HIVEP3: variants seen among roughly 807,000 people sequenced by gnomAD.
HIVEP3 encodes transcription factor HIVEP3.
A neutral mutation model predicts 152.8 loss-of-function variants in HIVEP3; 49 were observed. That is an observed-to-expected ratio of 0.32 (90% CI 0.26 to 0.41). The LOEUF is 0.41. HIVEP3 is among the 10% of genes least tolerant of loss of function. HIVEP3 has a pLI of 1.00. For missense variants in HIVEP3, 2,790 were observed against 3,103.3 expected (o/e 0.90, Z 2.40); for synonymous variants, 1,269 against 1,289.0 (o/e 0.98, Z 0.33).
upstream of HIVEP3, among the ~76,000 whole-genome samples, chr1:41,919,509 A>G (rs961179582): frequency 3.9e-5 from 6 of 152,252 alleles, no homozygotes; most frequent in Non-Finnish European, 7.3e-5. Context: ...CCAGAGCCAC[A>G]TCGCATTCCA....
chr1:41,509,108 C>T lies in HIVEP3; in HGVS notation c.*1343G>A, dbSNP rs576717786. ...TAGAGATGTGGGTAAGGAAGAGGCA[C>T]TGGCTCACACTGATTGCTTTGGAGA... On this transcript the variant is annotated 3_prime_UTR_variant, in exon 9 of 9. Coordinates refer to ENST00000372583, the MANE Select transcript of HIVEP3 (RefSeq NM_024503.5). 2.6e-5 allele frequency: 4 copies of T among 152,216 alleles called. No individual in the cohort carries two copies. Among genetic ancestry groups the T allele is most frequent in the African/African-American group, 9.7e-5 (4 of 41,448 alleles). The allele number at this position is 152,216 out of a possible 1,614,324, so 9.4% of individuals were successfully genotyped here.
intron 3 of HIVEP3, among the ~76,000 whole-genome samples, chr1:41,601,969 T>G (rs1644754291): frequency 6.6e-6 from 1 of 152,200 alleles, no homozygotes; most frequent in South Asian, 2.1e-4. Flanking sequence ...TTGAATTTTG[T>G]CAAATGCCTT....
chr1:41,588,210 A>G (rs183602068), intron 3 of HIVEP3, among the ~76,000 whole-genome samples: 24 of 152,276 alleles, frequency 1.6e-4, no homozygotes, highest in Non-Finnish European at 2.9e-5. Flanking sequence ...ACTGTGATGG[A>G]GAGGCCTTTG....
intron 2 of HIVEP3, among the ~76,000 whole-genome samples, chr1:41,677,280 G>T (rs535268049): frequency 6.6e-6 from 1 of 152,272 alleles, no homozygotes; most frequent in South Asian, 2.1e-4. Flanking sequence ...GCTCTAACAC[G>T]CTTCACACGT....
intron 1 of HIVEP3, among the ~76,000 whole-genome samples, chr1:41,940,729 GA>G (rs1393731612): frequency 6.6e-6 from 1 of 151,956 alleles, no homozygotes. Context: ...TGCCTCTAAA[GA>G]AAAAAATTGA....
At chr1:41,696,514 G>C (rs1646278375) in intron 2 of HIVEP3, among the ~76,000 whole-genome samples, 1 of 152,258 alleles carries the variant, frequency 6.6e-6, no homozygotes, top group Non-Finnish European at 1.5e-5. Context: ...CAGCGGGCCT[G>C]AGAGGCCAAG....
intron 1 of HIVEP3, among the ~76,000 whole-genome samples, chr1:41,725,015 C>T (rs1002667166): frequency 1.3e-5 from 2 of 152,188 alleles, no homozygotes; most frequent in African/African-American, 4.8e-5. Flanking sequence ...GAAGAAAGAC[C>T]AGCTGTTTGT....
intron 2 of HIVEP3, among the ~76,000 whole-genome samples, chr1:41,697,161 G>A (rs1047120939): frequency 2.6e-5 from 4 of 152,146 alleles, no homozygotes; most frequent in African/African-American, 9.7e-5. Flanking sequence ...ACTTAATTCT[G>A]TAGCTGGTTT....
intron 3 of HIVEP3, among the ~76,000 whole-genome samples, chr1:41,603,419 G>A (rs1007171408): frequency 2.0e-5 from 3 of 150,686 alleles, no homozygotes; most frequent in Non-Finnish European, 4.4e-5. Flanking sequence ...GAGAGCAGTG[G>A]TGTGATCTCA....
intron 5 of HIVEP3, among the ~76,000 whole-genome samples, chr1:41,553,894 G>A (rs905491914): frequency 1.3e-5 from 2 of 152,156 alleles, no homozygotes; most frequent in African/African-American, 4.8e-5. Context: ...TCCCTTTGCG[G>A]GTAACCTGAC....
At chr1:41,797,946 C>T (rs1329685171) in intron 1 of HIVEP3, among the ~76,000 whole-genome samples, 1 of 152,098 alleles carries the variant, frequency 6.6e-6, no homozygotes, top group Non-Finnish European at 1.5e-5. Context: ...CACCATGGTA[C>T]TCTAGCCTGG....
chr1:41,608,224 G>A (rs750825090), intron 3 of HIVEP3, among the ~76,000 whole-genome samples: 19 of 152,218 alleles, frequency 1.2e-4, no homozygotes, highest in Non-Finnish European at 2.2e-4. Flanking sequence ...AAGCAGTGTG[G>A]CAAGTCTCCT....
At chr1:41,678,272 C>T (rs901002048) in intron 2 of HIVEP3, among the ~76,000 whole-genome samples, 2 of 152,154 alleles carry the variant, frequency 1.3e-5, no homozygotes, top group South Asian at 2.1e-4. Flanking sequence ...CTGAGTTGGC[C>T]GGCCCCTCCA....
chr1:41,723,479 TACACACACACACACACAGCCACCACAC>T (rs1434507116), intron 1 of HIVEP3, among the ~76,000 whole-genome samples: 1 of 118,852 alleles, frequency 8.4e-6, no homozygotes, highest in Non-Finnish European at 1.6e-5. Flanking sequence ...CATAAAATCA[TACACACACACACACACAGCCACCACAC>T]ACACACACAC....
At chr1:41,847,053 C>A (rs1387839448) in intron 1 of HIVEP3, 1 of 152,240 alleles carries the variant, frequency 6.6e-6, no homozygotes, top group Admixed American at 6.5e-5. Flanking sequence ...GTGGCCTTCC[C>A]AGCAACCTAG....
intron 1 of HIVEP3, among the ~76,000 whole-genome samples, chr1:41,842,726 C>A (rs943919911): frequency 6.6e-5 from 10 of 152,166 alleles, no homozygotes; most frequent in African/African-American, 2.2e-4. Flanking sequence ...TCTCATCCCT[C>A]GAGATGGTGA....
intron 1 of HIVEP3, among the ~76,000 whole-genome samples, chr1:41,925,539 A>T (rs1245066351): frequency 2.0e-5 from 3 of 152,150 alleles, no homozygotes; most frequent in Non-Finnish European, 2.9e-5. Context: ...GAAGAAGAGG[A>T]AGAGTTGGTC....
intron 3 of HIVEP3, among the ~76,000 whole-genome samples, chr1:41,613,167 G>C (rs939242758): frequency 9.2e-5 from 14 of 152,220 alleles, no homozygotes; most frequent in African/African-American, 3.4e-4. Flanking sequence ...AAACCCTTCT[G>C]ACAAGCTGCG....
chr1:41,779,751 C>T (rs982100883), intron 1 of HIVEP3, among the ~76,000 whole-genome samples: 8 of 152,214 alleles, frequency 5.3e-5, no homozygotes, highest in African/African-American at 1.9e-4. Context: ...TCCACCTTGG[C>T]CTCCCAAAGT....
Sources: gnomAD v4.1 joint callset for allele counts (sites outside exome capture counted in the v4.1 genomes callset) on GRCh38, gnomAD v4.1.1 for gene constraint, MANE v1.5 for transcripts, NCBI Gene and HGNC (gene_info 2026-07-23, HGNC 2026-07-21) for gene names.